Variants in BCAR3 observed in about 807,000 individuals in gnomAD.
BCAR3 encodes the protein breast cancer anti-estrogen resistance protein 3.
BCAR3 carries 37 observed loss-of-function variants against 80.1 expected under a neutral mutation model. The ratio of observed to expected loss-of-function variants is 0.46; its 90% CI spans 0.36 to 0.61. BCAR3 has a LOEUF of 0.61. Among genes scored for constraint, BCAR3 ranks in the 20% least tolerant of loss-of-function variants. The pLI is 0.00. For synonymous variants in BCAR3, 389 were observed against 418.9 expected (o/e 0.93, Z 0.87); for missense variants, 978 against 1,068.2 (o/e 0.92, Z 1.18).
At chr1:93,786,771 G>C (rs1310718419) in intron 2 of BCAR3, among the ~76,000 whole-genome samples, 1 of 152,190 alleles carries the variant, frequency 6.6e-6, no homozygotes, top group Non-Finnish European at 1.5e-5. Flanking sequence ...AAATAGCAGG[G>C]GAAATGGACA....
In BCAR3 at chr1:93,741,169, A is replaced by G. The variant is rs575500530; in HGVS notation, c.-62-35027T>C. 2.6e-5 allele frequency among the ~76,000 whole-genome samples: 4 copies of G among 152,338 alleles called. No homozygotes were observed. In the South Asian group the frequency reaches 8.3e-4, roughly 32 times the overall value. On this transcript the variant is annotated intron_variant, in intron 2 of 13. Transcript: ENST00000370244. The stretch of plus-strand genomic sequence containing the variant: ...AGGAAGTTGTAACTAACATCAGTTA[A>G]TGGTAGGGGTTAGTGGTTAGGCCCC...
intron 3 of BCAR3, chr1:93,602,449 T>G (rs1175208366): frequency 6.6e-6 from 1 of 152,232 alleles, no homozygotes; most frequent in African/African-American, 2.4e-5. Flanking sequence ...CCAATAATGT[T>G]GTAAACATGT....
Position 93,674,869 on chromosome 1 carries a change from A to AG in BCAR3, c.61dup (p.Leu21ProfsTer16). Reference sequence around the variant, plus strand: ...GCTCAGAAGGTCCATGGATGAGGCCAGGGGGAACTGGTGATTCACCGGCAT... The same window carrying AG: ...GCTCAGAAGGTCCATGGATGAGGCCAGGGGGGAACTGGTGATTCACCGGCAT... On this transcript the variant is annotated frameshift_variant, in exon 2 of 12. Transcript: ENST00000260502. LOFTEE classifies it high-confidence loss of function. The AG allele has an allele frequency of 1.3e-6, 2 of 1,585,584 alleles. No homozygotes were observed. The highest frequency in any genetic ancestry group is 1.7e-6 in the Non-Finnish European group (2 of 1,170,768).
chr1:93,592,194 C>T lies in BCAR3; in HGVS notation c.486+71G>A. ...CGCCCATGTGGCCTCGGAGTGGGAC[C>T]CTGCGGGTCATCAATCTGTACATTG... On this transcript the variant is annotated intron_variant, in intron 4 of 11. Coordinates refer to ENST00000260502, the MANE Select transcript of BCAR3 (RefSeq NM_003567.4). This position sits in a 1 kb window ranked among gnomAD's most constrained non-coding sequence, Gnocchi z 4.8. 7.5e-6 allele frequency: 12 copies of T among 1,596,732 alleles called. No homozygotes were observed. In the South Asian group the frequency reaches 1.2e-4, roughly 16 times the overall value.
chr1:93,756,986 G>A (rs1006495203), intron 2 of BCAR3, among the ~76,000 whole-genome samples: 2 of 152,164 alleles, frequency 1.3e-5, no homozygotes, highest in Non-Finnish European at 2.9e-5. Flanking sequence ...AGCTGGACTG[G>A]CCTCTTTGGA....
chr1:93,741,568 T>C (rs1027969932), intron 2 of BCAR3, among the ~76,000 whole-genome samples: 12 of 152,152 alleles, frequency 7.9e-5, no homozygotes, highest in African/African-American at 2.4e-4. Context: ...TATTTTATTT[T>C]ATTATTATTA....
Position 93,586,825 on chromosome 1 carries a change from C to T in BCAR3, c.929+2152G>A, listed in dbSNP as rs1673960548. Among the ~76,000 whole-genome samples the T allele has an allele frequency of 6.6e-6, 1 of 152,202 alleles. No homozygotes were observed. Among genetic ancestry groups the T allele is most frequent in the Non-Finnish European group, 1.5e-5 (1 of 68,034 alleles). ...TCATGTTGAACACCTTTTCATATGCCTGTTTGCCACTGCAGTGGCATGATC... is the reference window on the plus strand; with the variant it reads ...TCATGTTGAACACCTTTTCATATGCTTGTTTGCCACTGCAGTGGCATGATC... On this transcript the variant is annotated intron_variant, in intron 5 of 11. Coordinates refer to ENST00000260502, the MANE Select transcript of BCAR3 (RefSeq NM_003567.4). This position sits in a 1 kb window ranked among gnomAD's most constrained non-coding sequence, Gnocchi z 4.2.
At chr1:93,774,564 G>T (rs1463725313) in intron 2 of BCAR3, among the ~76,000 whole-genome samples, 3 of 151,782 alleles carry the variant, frequency 2.0e-5, no homozygotes, top group Admixed American at 6.6e-5. Context: ...AAGCTGTAAA[G>T]GAGGCCCCAC....
chr1:93,834,678 C>G (rs1220832984), intron 2 of BCAR3, among the ~76,000 whole-genome samples: 1 of 152,232 alleles, frequency 6.6e-6, no homozygotes, highest in Admixed American at 6.5e-5. Flanking sequence ...CTCAAAATCA[C>G]AAACTATGCT....
chr1:93,687,955 AAGAT>A (rs1435715904), intron 3 of BCAR3, among the ~76,000 whole-genome samples: 2 of 152,232 alleles, frequency 1.3e-5, no homozygotes, highest in Admixed American at 6.5e-5. Flanking sequence ...TGCAGAAAGA[AAGAT>A]AGAGAATTCC....
chr1:93,682,786 C>T (rs1333606294), upstream of BCAR3, among the ~76,000 whole-genome samples: 1 of 152,200 alleles, frequency 6.6e-6, no homozygotes, highest in African/African-American at 2.4e-5. Context: ...CTCCTGACCT[C>T]AGGTGATCCA....
intron 2 of BCAR3, among the ~76,000 whole-genome samples, chr1:93,654,184 G>A (rs1647256904): frequency 6.6e-6 from 1 of 152,170 alleles, no homozygotes; most frequent in Non-Finnish European, 1.5e-5. Flanking sequence ...TTAGTCTGGT[G>A]TTTAGATTAG....
chr1:93,583,952 A>T, intron 6 of BCAR3, 66 bp downstream of exon 6: 1 of 1,470,168 alleles, frequency 6.8e-7, no homozygotes, highest in Non-Finnish European at 9.5e-7. Flanking sequence ...TAGATGGGGC[A>T]GGGTAACAGC....
At chr1:93,661,279 T>A (rs1286287797) in intron 2 of BCAR3, among the ~76,000 whole-genome samples, 1 of 152,160 alleles carries the variant, frequency 6.6e-6, no homozygotes, top group Non-Finnish European at 1.5e-5. Flanking sequence ...CCTCAGGTGA[T>A]CCACCCACCT....
chr1:93,565,494 G>A (rs1672906277), intron 11 of BCAR3, among the ~76,000 whole-genome samples: 1 of 152,176 alleles, frequency 6.6e-6, no homozygotes, highest in African/African-American at 2.4e-5. Context: ...TACTTGCTGT[G>A]AAATCTATAT....
intron 2 of BCAR3, among the ~76,000 whole-genome samples, chr1:93,712,780 T>C (rs1376880750): frequency 6.6e-6 from 1 of 152,210 alleles, no homozygotes; most frequent in Non-Finnish European, 1.5e-5. Flanking sequence ...AGAGTTCACA[T>C]AACCTCTTCA....
chr1:93,785,517 G>T (rs1652906662), intron 2 of BCAR3, among the ~76,000 whole-genome samples: 1 of 152,154 alleles, frequency 6.6e-6, no homozygotes, highest in African/African-American at 2.4e-5. Flanking sequence ...AAAATAATGT[G>T]CTAGCTATAC....
intron 2 of BCAR3, among the ~76,000 whole-genome samples, chr1:93,715,326 T>G (rs2101982553): frequency 6.6e-6 from 1 of 152,346 alleles, no homozygotes; most frequent in Middle Eastern, 3.4e-3. Flanking sequence ...AAAATTGTCT[T>G]TTTTCCCTGG....
chr1:93,840,876 T>C (rs766138404), intron 2 of BCAR3, among the ~76,000 whole-genome samples: 13 of 152,318 alleles, frequency 8.5e-5, no homozygotes, highest in Non-Finnish European at 1.6e-4. Flanking sequence ...CATTCATTTG[T>C]TCAATCAATA....
Sources: gnomAD v4.1 joint callset for allele counts (sites outside exome capture counted in the v4.1 genomes callset) on GRCh38, gnomAD v4.1.1 for gene constraint, Gnocchi (gnomAD v3.1) non-coding constraint, MANE v1.5 for transcripts, NCBI Gene and HGNC (gene_info 2026-07-23, HGNC 2026-07-21) for gene names.